PIAS4: variants seen among roughly 807,000 people sequenced by gnomAD.
The protein encoded by PIAS4 is E3 SUMO-protein ligase PIAS4.
In PIAS4, 7 loss-of-function variants were observed where a neutral mutation model predicts 58.0. The ratio of observed to expected loss-of-function variants is 0.12; its 90% CI spans 0.07 to 0.23. PIAS4 has a LOEUF of 0.23. Among genes scored for constraint, PIAS4 ranks in the 10% least tolerant of loss-of-function variants. The pLI, the probability that PIAS4 is intolerant of heterozygous loss-of-function variation, is 1.00. For synonymous variants in PIAS4, 364 were observed against 312.4 expected (o/e 1.17, Z -1.74); for missense variants, 550 against 709.5 (o/e 0.78, Z 2.55).
chr19:4,018,114 A>G (rs2040070328), intron 2 of PIAS4, among the ~76,000 whole-genome samples: 1 of 152,210 alleles, frequency 6.6e-6, no homozygotes, highest in South Asian at 2.1e-4. Context: ...GCCCGGCCCC[A>G]GTCAGCCTTT....
intron 9 of PIAS4, among the ~76,000 whole-genome samples, chr19:4,035,000 G>C (rs574369527): frequency 2.1e-4 from 32 of 152,314 alleles, no homozygotes; most frequent in African/African-American, 7.5e-4. Flanking sequence ...CGTTCCCGTT[G>C]CTGTGTGTGT....
At position 4,016,107 on chromosome 19, in the gene PIAS4, G is replaced by T. The variant is rs545649588; in HGVS notation, c.454+2758G>T. On this transcript the variant is annotated intron_variant, in intron 2 of 10. Coordinates refer to ENST00000262971, the MANE Select transcript of PIAS4 (RefSeq NM_015897.4). ...GAGGCTCTGGCCTGGACCTCTGCAG[G>T]CTGGGAACCCTGTCCTGCCTGTCGG... Among the ~76,000 whole-genome samples the T allele has an allele frequency of 2.6e-5, 4 of 152,364 alleles. No individual in the cohort carries two copies. In the South Asian group the frequency reaches 8.3e-4, roughly 32 times the overall value.
intron 7 of PIAS4, among the ~76,000 whole-genome samples, chr19:4,029,408 T>C (rs1271306873): frequency 2.0e-5 from 3 of 152,110 alleles, no homozygotes; most frequent in Admixed American, 2.0e-4. Flanking sequence ...CCCCTTCTCG[T>C]TGCCTCAGCG....
At chr19:4,030,783 C>T (rs976131881) in intron 7 of PIAS4, among the ~76,000 whole-genome samples, 26 of 152,222 alleles carry the variant, frequency 1.7e-4, no homozygotes, top group African/African-American at 4.6e-4. Flanking sequence ...GAGAATAGAT[C>T]TGAGCCATCT....
At chr19:4,035,974 C>CATCACACACATCCATACA in intron 9 of PIAS4, among the ~76,000 whole-genome samples, 1 of 10,382 alleles carries the variant, frequency 9.6e-5, no homozygotes, top group Non-Finnish European at 2.7e-4. Flanking sequence ...CAGTCCACAC[C>CATCACACACATCCATACA]GTCATACACA....
chr19:4,025,250 G>A (rs558753585), intron 3 of PIAS4, among the ~76,000 whole-genome samples: 2 of 152,298 alleles, frequency 1.3e-5, no homozygotes, highest in South Asian at 4.1e-4. Flanking sequence ...GATGTCCCCA[G>A]ACACAGCTCG....
chr19:4,020,158 C>T (rs1360714968), intron 2 of PIAS4, among the ~76,000 whole-genome samples: 9 of 152,124 alleles, frequency 5.9e-5, no homozygotes, highest in South Asian at 2.1e-4. Flanking sequence ...CCTCATGATC[C>T]GACTGCCTCG....
At chr19:4,036,653 C>T (rs948345497) in intron 9 of PIAS4, among the ~76,000 whole-genome samples, 11 of 146,318 alleles carry the variant, frequency 7.5e-5, no homozygotes, top group Non-Finnish European at 2.9e-5. Context: ...CACTGTCATA[C>T]ACACACATCT....
At chr19:4,018,144 A>C (rs1373962825) in intron 2 of PIAS4, among the ~76,000 whole-genome samples, 1 of 152,206 alleles carries the variant, frequency 6.6e-6, no homozygotes, top group South Asian at 2.1e-4. Context: ...CCTGTGTTTC[A>C]TTTCTATTTA....
chr19:4,013,415 C>T lies in PIAS4; in HGVS notation c.454+66C>T. On this transcript the variant is annotated intron_variant, in intron 2 of 10. Coordinates refer to ENST00000262971, the MANE Select transcript of PIAS4 (RefSeq NM_015897.4). The surrounding 1 kb of genome is among the most constrained non-coding windows in gnomAD (Gnocchi z 5.1). ...CCTAGGCCCCGTCGCCCAGCCCAGCCCAGCCACACAGCCGACTTCGAGTGA... is the reference window on the plus strand; with the variant it reads ...CCTAGGCCCCGTCGCCCAGCCCAGCTCAGCCACACAGCCGACTTCGAGTGA... The T allele has an allele frequency of 7.1e-7, 1 of 1,413,836 alleles. No individual in the cohort carries two copies. The highest frequency in any genetic ancestry group is 9.8e-7 in the Non-Finnish European group (1 of 1,024,940). 87.6% of individuals were successfully genotyped at this position (1,413,836 alleles called of 1,614,324 possible).
chr19:4,033,228 C>T (rs545260924), intron 8 of PIAS4, 55 bp downstream of exon 8: 2 of 1,539,400 alleles, frequency 1.3e-6, no homozygotes, highest in South Asian at 1.1e-5. Flanking sequence ...GGCCTTCCCC[C>T]CTGGCGGCCC....
intron 2 of PIAS4, among the ~76,000 whole-genome samples, chr19:4,022,832 T>G (rs1235130659): frequency 1.3e-5 from 2 of 148,988 alleles, no homozygotes; most frequent in African/African-American, 2.5e-5. Flanking sequence ...GAACCAGGCC[T>G]GGCTATTTTT....
intron 7 of PIAS4, among the ~76,000 whole-genome samples, chr19:4,030,179 TC>T (rs1368960131): frequency 6.3e-5 from 9 of 142,674 alleles, no homozygotes; most frequent in Non-Finnish European, 6.4e-5. Flanking sequence ...CCCAGGCTGG[TC>T]GTAAACTCCT....
Position 4,039,175 on chromosome 19 carries a change from C to G in PIAS4, c.*1300C>G, listed in dbSNP as rs2040335000. On this transcript the variant is annotated 3_prime_UTR_variant, in exon 11 of 11. Transcript: ENST00000262971. ...AGAATTTTCCTTTGTATAAACAGAA[C>G]TCCTAGTCAGGAAGCAATATCATTT... The G allele has an allele frequency of 6.6e-6, 1 of 152,304 alleles. No individual in the cohort carries two copies. The highest frequency in any genetic ancestry group is 2.4e-5 in the African/African-American group (1 of 41,462). 9.4% of individuals were successfully genotyped at this position (152,304 alleles called of 1,614,324 possible).
In PIAS4 at chr19:4,037,149, C is replaced by A. The variant is rs964229869; in HGVS notation, c.1143-225C>A. Reference sequence around the variant, plus strand: ...TATGTGTGTCCATGCCCCGTCCCCCCGGCAGTGCCGTGCACTGCAGACCTG... The same window carrying A: ...TATGTGTGTCCATGCCCCGTCCCCCAGGCAGTGCCGTGCACTGCAGACCTG... On this transcript the variant is annotated intron_variant, in intron 9 of 10. Coordinates refer to ENST00000262971, the MANE Select transcript of PIAS4 (RefSeq NM_015897.4). The surrounding 1 kb of genome is among the most constrained non-coding windows in gnomAD (Gnocchi z 5.8). Among the ~76,000 whole-genome samples, 1 of 152,240 alleles carries A rather than the reference C, an allele frequency of 6.6e-6. No individual in the cohort carries two copies. The highest frequency in any genetic ancestry group is 1.5e-5 in the Non-Finnish European group (1 of 68,036).
chr19:4,026,550 A>C (rs7245497), intron 3 of PIAS4, among the ~76,000 whole-genome samples: 13,709 of 134,114 alleles, frequency 0.1, 2,070 homozygotes, highest in African/African-American at 0.33. Flanking sequence ...ACCACTGCCT[A>C]GTCTCAGGGC....
At chr19:4,012,896 A>AGTGT in intron 1 of PIAS4, 27 bp from the exon 2 acceptor site, 1 of 1,588,226 alleles carries the variant, frequency 6.3e-7, no homozygotes, top group Non-Finnish European at 8.6e-7. Flanking sequence ...GTGTCCTCTG[A>AGTGT]GTGTGTGTGT....
intron 1 of PIAS4, 63 bp downstream of exon 1, chr19:4,007,850 G>A: frequency 1.7e-6 from 2 of 1,165,802 alleles, no homozygotes; most frequent in Non-Finnish European, 2.1e-6. Context: ...CCGGGCCGCA[G>A]GTCGAGGTCT....
rs537188077 is a variant in PIAS4 at position 4,008,572 on chromosome 19, C to T, written c.27+785C>T. Among the ~76,000 whole-genome samples the T allele has an allele frequency of 2.8e-4, 42 of 152,208 alleles. 1 individual carries two copies. The South Asian group carries it at 8.7e-3, about 32-fold the overall frequency. On this transcript the variant is annotated intron_variant, in intron 1 of 10. Coordinates refer to ENST00000262971, the MANE Select transcript of PIAS4 (RefSeq NM_015897.4). ...TCGGACCACTCTTCTTGGTCACAGACCTTCTTTATTCTCCTTTTTTTAATC... is the reference window on the plus strand; with the variant it reads ...TCGGACCACTCTTCTTGGTCACAGATCTTCTTTATTCTCCTTTTTTTAATC...
Sources: gnomAD v4.1 joint callset for allele counts (sites outside exome capture counted in the v4.1 genomes callset) on GRCh38, gnomAD v4.1.1 for gene constraint, Gnocchi (gnomAD v3.1) non-coding constraint, MANE v1.5 for transcripts, NCBI Gene and HGNC (gene_info 2026-07-23, HGNC 2026-07-21) for gene names.